Variants in SH3RF3 observed in about 807,000 individuals in gnomAD.
SH3RF3 encodes SH3 domain containing ring finger 3.
A neutral mutation model predicts 66.3 loss-of-function variants in SH3RF3; 29 were observed. The observed-to-expected ratio is 0.44, with a 90% CI of 0.33 to 0.60. The LOEUF is 0.60. Ranked by LOEUF, SH3RF3 falls within the 20% of genes least tolerant of loss-of-function variation. The pLI is 0.04. For synonymous variants in SH3RF3, 583 were observed against 532.0 expected (o/e 1.10, Z -1.32); for missense variants, 1,194 against 1,190.9 (o/e 1.00, Z -0.04).
chr2:109,261,569 C>T (rs909702023), intron 1 of SH3RF3, among the ~76,000 whole-genome samples: 1 of 152,028 alleles, frequency 6.6e-6, no homozygotes, highest in Non-Finnish European at 1.5e-5. Flanking sequence ...CAAGTGCATT[C>T]GAAGGGAAGG....
intron 4 of SH3RF3, among the ~76,000 whole-genome samples, chr2:109,406,910 G>A (rs1676466966): frequency 6.6e-6 from 1 of 152,216 alleles, no homozygotes; most frequent in Non-Finnish European, 1.5e-5. Flanking sequence ...GCGGGGCCTT[G>A]AGGAGAACCG....
At chr2:109,303,055 T>C (rs1162160312) in intron 1 of SH3RF3, among the ~76,000 whole-genome samples, 2 of 152,122 alleles carry the variant, frequency 1.3e-5, no homozygotes, top group Non-Finnish European at 2.9e-5. Context: ...TTTGTATTTT[T>C]GGTAGAGGCG....
At position 109,449,411 on chromosome 2, in the gene SH3RF3, A is replaced by G; in HGVS notation, c.2070A>G (p.Gly690=). The G allele has an allele frequency of 1.2e-6, 2 of 1,613,594 alleles. No homozygotes were observed. The highest frequency in any genetic ancestry group is 8.5e-7 in the Non-Finnish European group (1 of 1,179,738). The change falls in exon 8 of 10, where the codon GGA becomes GGG. Residue 690 remains glycine (G), a synonymous_variant. Coordinates refer to ENST00000309415, the MANE Select transcript of SH3RF3 (RefSeq NM_001099289.3). ...CCGCAAACCTCAACGGGGAGGCTGG[A>G]GGGGGGCCCATCGGTGTTCTGTCCA... The part of the protein sequence containing the change: ...VSAANLNGEA[G]GGPIGVLSTS...
chr2:109,228,157 G>T (rs924358374), intron 1 of SH3RF3, among the ~76,000 whole-genome samples: 4 of 152,160 alleles, frequency 2.6e-5, no homozygotes, highest in Admixed American at 2.6e-4. Context: ...TACTTGCAAC[G>T]TTTGGCAAAC....
At chr2:109,427,846 G>A (rs924762298) in intron 5 of SH3RF3, among the ~76,000 whole-genome samples, 2 of 152,260 alleles carry the variant, frequency 1.3e-5, no homozygotes, top group East Asian at 1.9e-4. Context: ...TCAGCCCTCA[G>A]GGAAGAGGCG....
At chr2:109,238,969 C>T (rs1395611429) in intron 1 of SH3RF3, among the ~76,000 whole-genome samples, 3 of 152,198 alleles carry the variant, frequency 2.0e-5, no homozygotes, top group African/African-American at 7.2e-5. Context: ...GCTTTTCTGC[C>T]TCCAGTTCTT....
chr2:109,186,157 CCAG>C (rs1266551063), intron 1 of SH3RF3, among the ~76,000 whole-genome samples: 1 of 152,222 alleles, frequency 6.6e-6, no homozygotes, highest in Non-Finnish European at 1.5e-5. Context: ...AATAATTTTC[CCAG>C]CATTTGAAAA....
intron 1 of SH3RF3, among the ~76,000 whole-genome samples, chr2:109,224,511 A>G (rs1225368242): frequency 6.6e-6 from 1 of 152,208 alleles, no homozygotes; most frequent in Non-Finnish European, 1.5e-5. Flanking sequence ...GACCAGCCAC[A>G]GGTGACTACT....
intron 1 of SH3RF3, among the ~76,000 whole-genome samples, chr2:109,250,861 A>G (rs905850353): frequency 2.0e-5 from 3 of 152,158 alleles, no homozygotes; most frequent in African/African-American, 7.2e-5. Flanking sequence ...AGGTAGAACA[A>G]AAAATCAAAT....
intron 4 of SH3RF3, among the ~76,000 whole-genome samples, chr2:109,400,279 G>A (rs1676270881): frequency 6.6e-6 from 1 of 151,100 alleles, no homozygotes; most frequent in Admixed American, 6.6e-5. Flanking sequence ...CCGCACATAT[G>A]CACTCCCACG....
intron 3 of SH3RF3, among the ~76,000 whole-genome samples, chr2:109,375,999 A>G (rs867974111): frequency 1.8e-4 from 28 of 152,364 alleles, no homozygotes; most frequent in African/African-American, 5.8e-4. Flanking sequence ...CCTTCAAACA[A>G]GGGCAGTGGC....
intron 1 of SH3RF3, among the ~76,000 whole-genome samples, chr2:109,188,058 G>A (rs966045963): frequency 6.6e-6 from 1 of 152,206 alleles, no homozygotes; most frequent in Non-Finnish European, 1.5e-5. Context: ...AGCCCACCCC[G>A]TGAGCGTAGT....
chr2:109,174,901 C>T (rs1236683623), intron 1 of SH3RF3, among the ~76,000 whole-genome samples: 1 of 152,200 alleles, frequency 6.6e-6, no homozygotes, highest in Non-Finnish European at 1.5e-5. Context: ...CTCTTTTAGG[C>T]TTGTCTAGCA....
At chr2:109,421,469 T>A (rs1676876669) in intron 5 of SH3RF3, among the ~76,000 whole-genome samples, 1 of 152,234 alleles carries the variant, frequency 6.6e-6, no homozygotes, top group Non-Finnish European at 1.5e-5. Context: ...AACGTAACAG[T>A]TCCAGGCATG....
At chr2:109,397,322 G>A (rs1001925473) in intron 3 of SH3RF3, among the ~76,000 whole-genome samples, 13 of 152,144 alleles carry the variant, frequency 8.5e-5, no homozygotes, top group Non-Finnish European at 1.3e-4. Flanking sequence ...GAAAGGTGAG[G>A]GAGAAAGAGT....
At chr2:109,498,045 C>A (rs914619776) in intron 9 of SH3RF3, among the ~76,000 whole-genome samples, 44 of 152,130 alleles carry the variant, frequency 2.9e-4, no homozygotes, top group African/African-American at 1.1e-3. Context: ...TTTCACAGAC[C>A]GCTGGCTGCA....
chr2:109,243,726 A>G (rs1233700483), intron 1 of SH3RF3, among the ~76,000 whole-genome samples: 2 of 152,200 alleles, frequency 1.3e-5, no homozygotes, highest in African/African-American at 4.8e-5. Flanking sequence ...GAGATTGAGC[A>G]TGGTGTTTTC....
Position 109,347,939 on chromosome 2 carries a change from C to A in SH3RF3, c.839C>A (p.Thr280Asn), listed in dbSNP as rs1682754057. The change falls in exon 2 of 10, where the codon ACC (threonine) becomes AAC (asparagine). Residue 280 changes from threonine to asparagine, a missense_variant. Thr to Asn is a moderately conservative substitution (Grantham distance 65). Coordinates refer to ENST00000309415, the MANE Select transcript of SH3RF3 (RefSeq NM_001099289.3). Reference protein sequence around the residue: ...KDKDQDKDCLTFTKDEILTVL... With the variant: ...KDKDQDKDCLNFTKDEILTVL... The stretch of plus-strand genomic sequence containing the variant: ...AAAGACCAAGACAAGGACTGTCTGA[C>A]CTTCACCAAGGTAAGGTGAGCCCCG... 1.2e-6 allele frequency: 2 copies of A among 1,603,630 alleles called. No homozygotes were observed. Among genetic ancestry groups the A allele is most frequent in the Non-Finnish European group, 1.7e-6 (2 of 1,175,330 alleles).
chr2:109,490,709 C>T lies in SH3RF3; in HGVS notation c.2253C>T (p.Ala751=), dbSNP rs891099842. Residue 751 remains alanine, a synonymous_variant, in exon 9 of 10, where the codon GCC becomes GCT. Coordinates refer to ENST00000309415, the MANE Select transcript of SH3RF3 (RefSeq NM_001099289.3). ...SVSPTHDPQV[A]VDALLQGAVG... ...CTCCAACCCACGACCCCCAGGTGGC[C>T]GTGGACGCCCTGCTCCAAGGTGCAG... The T allele has an allele frequency of 3.3e-6, 5 of 1,534,150 alleles. No individual in the cohort carries two copies. Among genetic ancestry groups the T allele is most frequent in the Admixed American group, 2.0e-5 (1 of 50,898 alleles).
Sources: gnomAD v4.1 joint callset for allele counts (sites outside exome capture counted in the v4.1 genomes callset) on GRCh38, gnomAD v4.1.1 for gene constraint, MANE v1.5 for transcripts, NCBI Gene and HGNC (gene_info 2026-07-23, HGNC 2026-07-21) for gene names.